Variants in SCHIP1 observed in about 807,000 individuals in gnomAD.
SCHIP1 encodes the protein schwannomin interacting protein 1.
A neutral mutation model predicts 29.7 loss-of-function variants in SCHIP1; 8 were observed. The ratio of observed to expected loss-of-function variants is 0.27; its 90% CI spans 0.16 to 0.49. The LOEUF is 0.49. Among genes scored for constraint, SCHIP1 ranks in the 20% least tolerant of loss-of-function variants. SCHIP1 has a pLI of 0.99. For synonymous variants in SCHIP1, 76 were observed against 94.9 expected (o/e 0.80, Z 1.16); for missense variants, 193 against 294.6 (o/e 0.66, Z 2.52).
the SCHIP1 span, among the ~76,000 whole-genome samples, chr3:159,832,882 G>A: frequency 4.6e-5 from 7 of 152,192 alleles, no homozygotes; most frequent in African/African-American, 1.7e-4. Flanking sequence ...TTTTGAGAGA[G>A]AGACCACATT....
At chr3:159,611,303 T>C in the SCHIP1 span, among the ~76,000 whole-genome samples, 423 of 152,238 alleles carry the variant, frequency 2.8e-3, 4 homozygotes, top group African/African-American at 9.5e-3. Flanking sequence ...GACACACTCA[T>C]GGTGCAGCTG....
the SCHIP1 span, among the ~76,000 whole-genome samples, chr3:159,694,801 A>G: frequency 6.6e-6 from 1 of 152,140 alleles, no homozygotes; most frequent in African/African-American, 2.4e-5. Flanking sequence ...AAAACTACAT[A>G]TCTGGGGTTC....
the SCHIP1 span, among the ~76,000 whole-genome samples, chr3:159,611,692 A>C: frequency 6.6e-6 from 1 of 152,184 alleles, no homozygotes; most frequent in Admixed American, 6.5e-5. Flanking sequence ...AACTTAACAA[A>C]AAAAGAGCTC....
chr3:159,474,052 G>C, the SCHIP1 span, among the ~76,000 whole-genome samples: 1 of 151,940 alleles, frequency 6.6e-6, no homozygotes, highest in Non-Finnish European at 1.5e-5. Context: ...TATTCACTCT[G>C]AAAACAGGCT....
chr3:159,398,147 G>A, the SCHIP1 span, among the ~76,000 whole-genome samples: 18 of 152,220 alleles, frequency 1.2e-4, no homozygotes, highest in East Asian at 5.8e-4. Flanking sequence ...GACCCTTTGC[G>A]CTTCCCGAGT....
chr3:159,785,290 C>T, the SCHIP1 span, among the ~76,000 whole-genome samples: 1 of 152,314 alleles, frequency 6.6e-6, no homozygotes, highest in South Asian at 2.1e-4. Context: ...ATACACCTAC[C>T]AATGGCAATG....
the SCHIP1 span, among the ~76,000 whole-genome samples, chr3:159,626,158 A>ATCTAGATATATC: frequency 8.2e-6 from 1 of 121,970 alleles, no homozygotes; most frequent in Non-Finnish European, 1.5e-5. Flanking sequence ...ATATATATAT[A>ATCTAGATATATC]TATCTAGATA....
chr3:159,500,480 G>A, the SCHIP1 span, among the ~76,000 whole-genome samples: 78 of 152,164 alleles, frequency 5.1e-4, no homozygotes, highest in African/African-American at 1.8e-3. Flanking sequence ...TTGGGAGGCC[G>A]ACACGGGCAG....
the SCHIP1 span, among the ~76,000 whole-genome samples, chr3:159,633,880 G>T: frequency 2.6e-5 from 4 of 152,106 alleles, no homozygotes; most frequent in African/African-American, 9.7e-5. Flanking sequence ...GCATTAGAGG[G>T]TTTTTTGAAA....
chr3:159,569,324 C>G, the SCHIP1 span, among the ~76,000 whole-genome samples: 1 of 152,144 alleles, frequency 6.6e-6, no homozygotes, highest in East Asian at 1.9e-4. Context: ...CCTAGCCCCC[C>G]ACACACCAAC....
Position 159,872,754 on chromosome 3 carries a change from A to T in SCHIP1, c.149+6473A>T, listed in dbSNP as rs1715413799. ...TTATCCCTATAAATTTAAAGTTTGC[A>T]AAGACTGACTGTCATCCTCCTCATC... On this transcript the variant is annotated intron_variant, in intron 2 of 6. Coordinates refer to ENST00000445224, the Ensembl canonical transcript of SCHIP1. Among the ~76,000 whole-genome samples the T allele has an allele frequency of 2.0e-5, 3 of 152,306 alleles. No individual in the cohort carries two copies. In the East Asian group the frequency reaches 5.8e-4, roughly 29 times the overall value.
chr3:159,583,537 T>C, the SCHIP1 span, among the ~76,000 whole-genome samples: 5 of 152,182 alleles, frequency 3.3e-5, no homozygotes, highest in Non-Finnish European at 5.9e-5. Context: ...ATAGTCACTT[T>C]GACTTCAGCT....
the SCHIP1 span, among the ~76,000 whole-genome samples, chr3:159,655,164 T>C: frequency 3.3e-5 from 5 of 152,346 alleles, no homozygotes; most frequent in East Asian, 7.7e-4. Context: ...TTTATGAAAA[T>C]TGAATATAAA....
chr3:159,871,875 A>C (rs998836903), intron 2 of SCHIP1, among the ~76,000 whole-genome samples: 2 of 152,182 alleles, frequency 1.3e-5, no homozygotes, highest in Admixed American at 6.5e-5. Context: ...ACAGGTGGTC[A>C]GGGCAGATAG....
At chr3:159,466,522 C>T in the SCHIP1 span, among the ~76,000 whole-genome samples, 1 of 152,060 alleles carries the variant, frequency 6.6e-6, no homozygotes, top group Non-Finnish European at 1.5e-5. Flanking sequence ...GGAGAACACT[C>T]CATAAGTGGT....
the SCHIP1 span, among the ~76,000 whole-genome samples, chr3:159,548,031 G>A: frequency 6.6e-6 from 1 of 151,708 alleles, no homozygotes; most frequent in African/African-American, 2.4e-5. Context: ...ATTTATCTTT[G>A]CTATTTTATA....
chr3:159,534,367 T>C, the SCHIP1 span, among the ~76,000 whole-genome samples: 1 of 152,142 alleles, frequency 6.6e-6, no homozygotes, highest in African/African-American at 2.4e-5. Flanking sequence ...TAAGACAATA[T>C]TGATTGCTAT....
chr3:159,558,662 C>A, the SCHIP1 span, among the ~76,000 whole-genome samples: 2 of 152,152 alleles, frequency 1.3e-5, no homozygotes, highest in Non-Finnish European at 2.9e-5. Flanking sequence ...GAAGTGGGCA[C>A]CTTTGCTCAC....
the SCHIP1 span, among the ~76,000 whole-genome samples, chr3:159,736,452 G>A: frequency 6.6e-6 from 1 of 152,214 alleles, no homozygotes; most frequent in Non-Finnish European, 1.5e-5. Context: ...TAGTGCAGTT[G>A]AATCTCTTGA....
Sources: gnomAD v4.1 joint callset for allele counts (sites outside exome capture counted in the v4.1 genomes callset) on GRCh38, gnomAD v4.1.1 for gene constraint, MANE v1.5 for transcripts, NCBI Gene and HGNC (gene_info 2026-07-23, HGNC 2026-07-21) for gene names.